Variants in ARL15 observed in about 807,000 individuals in gnomAD.
The protein encoded by ARL15 is ADP-ribosylation factor-like protein 15.
Under a neutral mutation model 25.2 loss-of-function variants are expected in ARL15, and 19 were observed. The ratio of observed to expected loss-of-function variants is 0.75; its 90% CI spans 0.53 to 1.10. The LOEUF (loss-of-function observed/expected upper bound fraction) is 1.10, where lower values mean the gene tolerates loss of function less well. Among genes scored for constraint, ARL15 ranks in the 50% least tolerant of loss-of-function variants. The probability of loss-of-function intolerance (pLI) is 0.00; values close to 1 mark genes in which losing one functional copy is unlikely to be tolerated. For synonymous variants in ARL15, 94 were observed against 86.8 expected (o/e 1.08, Z -0.46); for missense variants, 220 against 246.0 (o/e 0.89, Z 0.71).
intron 1 of ARL15, among the ~76,000 whole-genome samples, chr5:54,292,611 T>G (rs1478651360): frequency 6.6e-6 from 1 of 152,180 alleles, no homozygotes; most frequent in Non-Finnish European, 1.5e-5. Flanking sequence ...TAGTGAATAA[T>G]GTCTAGTAAC....
intron 1 of ARL15, among the ~76,000 whole-genome samples, chr5:54,260,739 T>C (rs1757480475): frequency 6.6e-6 from 1 of 152,216 alleles, no homozygotes; most frequent in African/African-American, 2.4e-5. Context: ...GGCATTCTTC[T>C]GAACACAGAA....
intron 4 of ARL15, among the ~76,000 whole-genome samples, chr5:53,908,706 A>G (rs1745354324): frequency 6.6e-6 from 1 of 152,140 alleles, no homozygotes; most frequent in Non-Finnish European, 1.5e-5. Context: ...CTTTTTTGCA[A>G]CTTTAGGGTC....
At chr5:54,069,174 T>C (rs1349286452) in intron 4 of ARL15, among the ~76,000 whole-genome samples, 2 of 152,144 alleles carry the variant, frequency 1.3e-5, no homozygotes, top group African/African-American at 4.8e-5. Context: ...GCCAAACAAA[T>C]ATGGATGATG....
intron 4 of ARL15, among the ~76,000 whole-genome samples, chr5:54,014,625 A>G (rs1317673204): frequency 6.6e-6 from 1 of 151,586 alleles, no homozygotes; most frequent in African/African-American, 2.4e-5. Context: ...GGTTCAAGCT[A>G]TTCTCCTGTC....
At chr5:53,946,711 C>T (rs1746748611) in intron 4 of ARL15, among the ~76,000 whole-genome samples, 1 of 152,048 alleles carries the variant, frequency 6.6e-6, no homozygotes. Flanking sequence ...TCATTAACAG[C>T]CCCCAATTTG....
intron 4 of ARL15, among the ~76,000 whole-genome samples, chr5:54,108,822 A>G (rs1752658340): frequency 6.6e-6 from 1 of 152,050 alleles, no homozygotes; most frequent in South Asian, 2.1e-4. Context: ...TTATAATTAA[A>G]TGTGATAGTT....
intron 1 of ARL15, among the ~76,000 whole-genome samples, chr5:54,183,788 A>G (rs368536958): frequency 1.3e-5 from 2 of 151,230 alleles, no homozygotes; most frequent in African/African-American, 2.4e-5. Flanking sequence ...CTGCTATAAA[A>G]ACACATGCAC....
At chr5:54,068,091 G>A (rs1751302252) in intron 4 of ARL15, among the ~76,000 whole-genome samples, 1 of 152,142 alleles carries the variant, frequency 6.6e-6, no homozygotes, top group African/African-American at 2.4e-5. Flanking sequence ...AGAAAATAAT[G>A]GTTCCAAGAA....
chr5:54,282,200 A>G, intron 1 of ARL15: 1 of 968,064 alleles, frequency 1.0e-6, no homozygotes. Context: ...ATCACTCCAC[A>G]TGATTTCCAA....
At chr5:54,195,503 G>A (rs931146475) in intron 1 of ARL15, among the ~76,000 whole-genome samples, 2 of 152,104 alleles carry the variant, frequency 1.3e-5, no homozygotes, top group Non-Finnish European at 2.9e-5. Context: ...GATTTCAGGA[G>A]ACCTTTTTTC....
At chr5:54,180,599 C>T (rs1002667855) in intron 1 of ARL15, among the ~76,000 whole-genome samples, 10 of 152,266 alleles carry the variant, frequency 6.6e-5, no homozygotes, top group African/African-American at 2.2e-4. Flanking sequence ...GTGGGTCAAA[C>T]CTTTCAGCCA....
At chr5:54,064,735 A>G (rs982660615) in intron 4 of ARL15, among the ~76,000 whole-genome samples, 1 of 152,194 alleles carries the variant, frequency 6.6e-6, no homozygotes, top group Non-Finnish European at 1.5e-5. Context: ...GTGAGTAAAA[A>G]AAAAAAAACA....
At chr5:53,979,583 A>T (rs1449473671) in intron 4 of ARL15, among the ~76,000 whole-genome samples, 1 of 152,034 alleles carries the variant, frequency 6.6e-6, no homozygotes, top group East Asian at 1.9e-4. Flanking sequence ...CAAAAATCTC[A>T]TACTATAGCA....
At chr5:53,913,084 G>A (rs1003516507) in intron 4 of ARL15, among the ~76,000 whole-genome samples, 1 of 152,194 alleles carries the variant, frequency 6.6e-6, no homozygotes, top group African/African-American at 2.4e-5. Flanking sequence ...AAGGTCACTT[G>A]AGGCCGGACT....
intron 1 of ARL15, among the ~76,000 whole-genome samples, chr5:54,300,438 C>A (rs1758587471): frequency 6.6e-6 from 1 of 152,178 alleles, no homozygotes; most frequent in Non-Finnish European, 1.5e-5. Flanking sequence ...TGTATGAAGC[C>A]TTGAGGTGAC....
chr5:54,225,568 G>A (rs1179076510), intron 1 of ARL15, among the ~76,000 whole-genome samples: 1 of 152,160 alleles, frequency 6.6e-6, no homozygotes, highest in East Asian at 1.9e-4. Flanking sequence ...TTGTAACTAA[G>A]GGAATGAGAG....
At chr5:54,021,424 G>A (rs1345330596) in intron 4 of ARL15, among the ~76,000 whole-genome samples, 3 of 152,138 alleles carry the variant, frequency 2.0e-5, no homozygotes, top group Admixed American at 6.5e-5. Context: ...TCAGTAAGTA[G>A]AAGATGTAAA....
chr5:54,158,788 G>T (rs566038794), intron 2 of ARL15, among the ~76,000 whole-genome samples: 2 of 152,114 alleles, frequency 1.3e-5, no homozygotes, highest in African/African-American at 4.8e-5. Flanking sequence ...CAGGAGAATC[G>T]CTTGAACCCG....
intron 4 of ARL15, among the ~76,000 whole-genome samples, chr5:54,081,568 C>G (rs1256424582): frequency 2.0e-5 from 3 of 152,128 alleles, no homozygotes; most frequent in Non-Finnish European, 2.9e-5. Flanking sequence ...TTCCCCCATG[C>G]TCTTCTGGTA....
Sources: allele counts gnomAD v4.1 joint callset (sites outside exome capture counted in the v4.1 genomes callset), GRCh38; gene constraint gnomAD v4.1.1; transcripts MANE v1.5; gene names NCBI Gene and HGNC (gene_info 2026-07-23, HGNC 2026-07-21).